Variants in SLC24A2 observed in about 807,000 individuals in gnomAD.
The protein encoded by SLC24A2 is sodium/potassium/calcium exchanger 2.
In SLC24A2, 36 loss-of-function variants were observed where a neutral mutation model predicts 62.0. The ratio of observed to expected loss-of-function variants is 0.58; its 90% CI spans 0.44 to 0.77. SLC24A2 has a LOEUF of 0.77. Among genes scored for constraint, SLC24A2 ranks in the 30% least tolerant of loss-of-function variants. The probability of loss-of-function intolerance (pLI) is 0.00; values close to 1 mark genes in which losing one functional copy is unlikely to be tolerated. For synonymous variants in SLC24A2, 358 were observed against 294.0 expected (o/e 1.22, Z -2.23); for missense variants, 846 against 817.9 (o/e 1.03, Z -0.42).
At chr9:20,167,200 CTT>C in the SLC24A2 span, among the ~76,000 whole-genome samples, 1 of 152,152 alleles carries the variant, frequency 6.6e-6, no homozygotes, top group South Asian at 2.1e-4. Flanking sequence ...GAACAAAAGA[CTT>C]TGACTGTATA....
At chr9:20,121,181 T>C in the SLC24A2 span, among the ~76,000 whole-genome samples, 2 of 150,420 alleles carry the variant, frequency 1.3e-5, no homozygotes, top group Non-Finnish European at 1.5e-5. Flanking sequence ...TCAATTGAAA[T>C]TGAATTGCAT....
the SLC24A2 span, among the ~76,000 whole-genome samples, chr9:20,006,937 A>T: frequency 6.6e-6 from 1 of 152,202 alleles, no homozygotes; most frequent in African/African-American, 2.4e-5. Context: ...AAAAGAAAAT[A>T]CATATCAAGG....
At chr9:19,985,193 A>T in the SLC24A2 span, among the ~76,000 whole-genome samples, 1 of 152,204 alleles carries the variant, frequency 6.6e-6, no homozygotes, top group Non-Finnish European at 1.5e-5. Context: ...TTTTTAAAAC[A>T]GTTAAACATG....
intron 2 of SLC24A2, among the ~76,000 whole-genome samples, chr9:19,684,015 T>G (rs192152067): frequency 6.6e-6 from 1 of 152,086 alleles, no homozygotes. Flanking sequence ...GGCAATTTAT[T>G]GTAAGGAATG....
At chr9:19,785,029 T>C (rs967024905) in intron 2 of SLC24A2, among the ~76,000 whole-genome samples, 2 of 152,224 alleles carry the variant, frequency 1.3e-5, no homozygotes, top group African/African-American at 4.8e-5. Context: ...TATGTAGGTA[T>C]TTTGGCTTTC....
the SLC24A2 span, among the ~76,000 whole-genome samples, chr9:20,098,240 T>C: frequency 6.6e-6 from 1 of 152,208 alleles, no homozygotes; most frequent in Non-Finnish European, 1.5e-5. Context: ...TATTCATAAA[T>C]ATTCATTGAT....
the SLC24A2 span, among the ~76,000 whole-genome samples, chr9:19,845,148 A>G: frequency 6.6e-6 from 1 of 152,314 alleles, no homozygotes; most frequent in Non-Finnish European, 1.5e-5. Context: ...ATCCACGAGC[A>G]TGGAACGTTT....
At chr9:19,959,542 T>G in the SLC24A2 span, among the ~76,000 whole-genome samples, 48 of 152,372 alleles carry the variant, frequency 3.2e-4, 2 homozygotes, top group South Asian at 9.5e-3. Flanking sequence ...ACTGTATCAC[T>G]GTAAATTAGC....
chr9:20,009,534 T>C, the SLC24A2 span, among the ~76,000 whole-genome samples: 1 of 151,972 alleles, frequency 6.6e-6, no homozygotes, highest in African/African-American at 2.4e-5. Flanking sequence ...ACAGAAAACA[T>C]GGTCCACAGG....
At chr9:20,091,693 A>T in the SLC24A2 span, among the ~76,000 whole-genome samples, 2 of 152,192 alleles carry the variant, frequency 1.3e-5, no homozygotes, top group Non-Finnish European at 2.9e-5. Context: ...CCTGCCTTAT[A>T]AGAGATCTTG....
chr9:19,560,897 G>GTGTGTGTA (rs1287721646), intron 7 of SLC24A2, among the ~76,000 whole-genome samples: 60 of 128,560 alleles, frequency 4.7e-4, no homozygotes, highest in African/African-American at 1.6e-3. Context: ...GTGTGTGTGT[G>GTGTGTGTA]TATATATATA....
chr9:19,601,823 AT>A (rs1187674630), intron 4 of SLC24A2, among the ~76,000 whole-genome samples: 2 of 152,208 alleles, frequency 1.3e-5, no homozygotes, highest in Non-Finnish European at 2.9e-5. Context: ...TCTCACACTT[AT>A]GCAAATGAGA....
At chr9:20,232,098 G>A in the SLC24A2 span, among the ~76,000 whole-genome samples, 10 of 152,166 alleles carry the variant, frequency 6.6e-5, no homozygotes, top group Admixed American at 6.5e-4. Context: ...CTTGATCATG[G>A]TGGATAAGCT....
chr9:19,580,646 G>A (rs568027419), intron 5 of SLC24A2, among the ~76,000 whole-genome samples: 27 of 152,290 alleles, frequency 1.8e-4, no homozygotes, highest in African/African-American at 5.8e-4. Flanking sequence ...TGTGTGTGTC[G>A]GGACAGCACA....
chr9:20,196,524 T>G, the SLC24A2 span, among the ~76,000 whole-genome samples: 41 of 152,240 alleles, frequency 2.7e-4, no homozygotes, highest in African/African-American at 9.9e-4. Context: ...AGGACTTATC[T>G]AGAAAAATCA....
chr9:20,116,064 G>A, the SLC24A2 span, among the ~76,000 whole-genome samples: 150 of 152,274 alleles, frequency 9.9e-4, no homozygotes, highest in African/African-American at 3.5e-3. Context: ...ACACAGGACA[G>A]GGCAGAAGTT....
At chr9:19,560,895 G>GTATA (rs1487545276) in intron 7 of SLC24A2, among the ~76,000 whole-genome samples, 1 of 25,732 alleles carries the variant, frequency 3.9e-5, no homozygotes, top group African/African-American at 1.4e-4. Context: ...GTGTGTGTGT[G>GTATA]TGTATATATA....
At chr9:20,165,811 G>A in the SLC24A2 span, among the ~76,000 whole-genome samples, 1 of 151,732 alleles carries the variant, frequency 6.6e-6, no homozygotes, top group African/African-American at 2.4e-5. Context: ...AAAGTAAAAG[G>A]TTTTTGCATA....
the SLC24A2 span, among the ~76,000 whole-genome samples, chr9:19,820,082 T>TATATAC: frequency 1.5e-5 from 2 of 133,618 alleles, no homozygotes; most frequent in African/African-American, 5.6e-5. Context: ...TATATATATA[T>TATATAC]ACAATGGAAT....
Sources: gnomAD v4.1 joint callset for allele counts (sites outside exome capture counted in the v4.1 genomes callset) on GRCh38, gnomAD v4.1.1 for gene constraint, MANE v1.5 for transcripts, NCBI Gene and HGNC (gene_info 2026-07-23, HGNC 2026-07-21) for gene names.